CACNA1E: variants seen among roughly 807,000 people sequenced by gnomAD.
CACNA1E encodes the protein calcium voltage-gated channel subunit alpha1 E.
A neutral mutation model predicts 259.2 loss-of-function variants in CACNA1E; 40 were observed. The observed-to-expected ratio is 0.15, with a 90% CI of 0.12 to 0.20. CACNA1E has a LOEUF of 0.20. Ranked by LOEUF, CACNA1E falls within the 10% of genes least tolerant of loss-of-function variation. The probability of loss-of-function intolerance (pLI) is 1.00; values close to 1 mark genes in which losing one functional copy is unlikely to be tolerated. For synonymous variants in CACNA1E, 1,104 were observed against 1,138.5 expected, an observed-to-expected ratio of 0.97 and a Z score of 0.61; for missense variants, 1,874 against 3,040.1, an observed-to-expected ratio of 0.62 and a Z score of 9.02.
At chr1:181,668,824 G>A (rs1026718024) in intron 7 of CACNA1E, 10 of 152,076 alleles carry the variant, frequency 6.6e-5, no homozygotes, top group Non-Finnish European at 4.4e-5. Flanking sequence ...GAGCCCAGGA[G>A]TTTGAGACTA....
chr1:181,709,389 C>T (rs557268136), intron 7 of CACNA1E, among the ~76,000 whole-genome samples: 1 of 152,316 alleles, frequency 6.6e-6, no homozygotes, highest in South Asian at 2.1e-4. Context: ...GTGCCTTTCC[C>T]TACACCTTCT....
At chr1:181,405,166 C>T (rs1657375850) in intron 1 of CACNA1E, among the ~76,000 whole-genome samples, 1 of 152,240 alleles carries the variant, frequency 6.6e-6, no homozygotes, top group Admixed American at 6.5e-5. Context: ...CTTTAAAAGA[C>T]AATCACCTCC....
exon 2 of CACNA1E, chr1:181,413,163 G>C (rs929731901): frequency 6.5e-6 from 1 of 152,748 alleles, no homozygotes. Context: ...CCCGAGATGC[G>C]TGGACTGAGC....
At chr1:181,532,522 C>T (rs1395616286) in intron 3 of CACNA1E, among the ~76,000 whole-genome samples, 1 of 152,242 alleles carries the variant, frequency 6.6e-6, no homozygotes, top group South Asian at 2.1e-4. Context: ...GCACGTTGCA[C>T]CTGATCTTTC....
At chr1:181,342,524 C>G (rs1013855017) in intron 1 of CACNA1E, among the ~76,000 whole-genome samples, 2 of 152,120 alleles carry the variant, frequency 1.3e-5, no homozygotes, top group Non-Finnish European at 2.9e-5. Flanking sequence ...ACTATGGCTA[C>G]ACACACGGAT....
intron 36 of CACNA1E, chr1:181,771,667 A>G (rs1572856344): frequency 2.1e-6 from 1 of 482,582 alleles, no homozygotes; most frequent in East Asian, 3.3e-5. Context: ...AATTTCATCA[A>G]TGTCTTTGGC....
At chr1:181,717,697 G>C (rs1280954730) in intron 11 of CACNA1E, among the ~76,000 whole-genome samples, 1 of 152,138 alleles carries the variant, frequency 6.6e-6, no homozygotes, top group Non-Finnish European at 1.5e-5. Flanking sequence ...GACTGCCACT[G>C]GGTGTGAGTG....
At chr1:181,584,604 T>G (rs867303079) in intron 6 of CACNA1E, among the ~76,000 whole-genome samples, 1 of 152,208 alleles carries the variant, frequency 6.6e-6, no homozygotes, top group African/African-American at 2.4e-5. Context: ...GATTTTGCTT[T>G]ATGTTCCTCT....
chr1:181,342,483 T>C (rs1459769783), intron 1 of CACNA1E, among the ~76,000 whole-genome samples: 1 of 151,972 alleles, frequency 6.6e-6, no homozygotes, highest in Non-Finnish European at 1.5e-5. Flanking sequence ...GGATAAATAA[T>C]AGATTGTCAT....
chr1:181,726,072 A>T lies in CACNA1E; in HGVS notation c.2150A>T (p.Gln717Leu), dbSNP rs927493104. 6.2e-7 allele frequency: 1 copy of T among 1,611,188 alleles called. No individual in the cohort carries two copies. Among genetic ancestry groups the T allele is most frequent in the Non-Finnish European group, 8.5e-7 (1 of 1,178,286 alleles). Residue 717 changes from glutamine (Q) to leucine (L), a missense_variant, in exon 18 of 48, where the codon CAG becomes CTG. Coordinates refer to ENST00000367573, the MANE Select transcript of CACNA1E (RefSeq NM_001205293.3). Reference protein sequence around the residue: ...ANAQELTKDEQEEEEAFNQKH... With the variant: ...ANAQELTKDELEEEEAFNQKH... The stretch of plus-strand genomic sequence containing the variant: ...TCTCTGCTTTGTGTCTAGGATGAAC[A>T]GGAGGAAGAAGAGGCCTTCAACCAG...
intron 1 of CACNA1E, among the ~76,000 whole-genome samples, chr1:181,327,816 G>C (rs890465634): frequency 2.0e-5 from 3 of 152,122 alleles, no homozygotes; most frequent in South Asian, 4.2e-4. Flanking sequence ...AATCACCTCC[G>C]ATCTCAGAGG....
intron 2 of CACNA1E, among the ~76,000 whole-genome samples, chr1:181,440,635 C>T (rs1415055129): frequency 1.3e-5 from 2 of 152,114 alleles, no homozygotes; most frequent in Admixed American, 1.3e-4. Context: ...ATGCTCTCAA[C>T]AGAGGATGCC....
chr1:181,779,421 C>A, intron 38 of CACNA1E: 1 of 433,966 alleles, frequency 2.3e-6, no homozygotes, highest in Non-Finnish European at 4.7e-6. Context: ...GTCCTATTAA[C>A]CCACCTGTGC....
chr1:181,726,641 G>A (rs1218453724), intron 18 of CACNA1E, among the ~76,000 whole-genome samples: 1 of 152,218 alleles, frequency 6.6e-6, no homozygotes, highest in South Asian at 2.1e-4. Context: ...TAAAGTCCAG[G>A]TGGAAGAGTT....
intron 2 of CACNA1E, among the ~76,000 whole-genome samples, chr1:181,446,759 A>G (rs796674115): frequency 6.6e-6 from 1 of 152,296 alleles, no homozygotes; most frequent in African/African-American, 2.4e-5. Flanking sequence ...GCTGGGAGAC[A>G]TCATGAAATG....
intron 1 of CACNA1E, among the ~76,000 whole-genome samples, chr1:181,495,989 G>C (rs1219600508): frequency 1.3e-5 from 2 of 152,202 alleles, no homozygotes; most frequent in African/African-American, 4.8e-5. Context: ...AAGGTGTGGA[G>C]AGGTTAACTC....
At chr1:181,401,821 G>C (rs1219062291) in intron 1 of CACNA1E, among the ~76,000 whole-genome samples, 8 of 152,220 alleles carry the variant, frequency 5.3e-5, no homozygotes, top group South Asian at 2.1e-4. Context: ...TCTTATGCCT[G>C]CTAGCAGAGG....
chr1:181,520,097 G>A (rs1397681350), intron 3 of CACNA1E, among the ~76,000 whole-genome samples: 1 of 152,150 alleles, frequency 6.6e-6, no homozygotes, highest in Non-Finnish European at 1.5e-5. Flanking sequence ...TATTTTAAAT[G>A]CAGAAGGCTT....
intron 7 of CACNA1E, among the ~76,000 whole-genome samples, chr1:181,655,019 T>C (rs1284021887): frequency 6.7e-6 from 1 of 150,068 alleles, no homozygotes; most frequent in Non-Finnish European, 1.5e-5. Context: ...ATAAGATATC[T>C]TAAGAACATA....
Sources: allele counts gnomAD v4.1 joint callset (sites outside exome capture counted in the v4.1 genomes callset), GRCh38; gene constraint gnomAD v4.1.1; transcripts MANE v1.5; gene names NCBI Gene and HGNC (gene_info 2026-07-23, HGNC 2026-07-21).